DOC2B: variants seen among roughly 807,000 people sequenced by gnomAD.
DOC2B encodes double C2 domain beta.
A neutral mutation model predicts 28.9 loss-of-function variants in DOC2B; 21 were observed. That is an observed-to-expected ratio of 0.73 (90% CI 0.52 to 1.05). DOC2B has a LOEUF of 1.05. Among genes scored for constraint, DOC2B ranks in the 50% least tolerant of loss-of-function variants. DOC2B has a pLI of 0.00. For missense variants in DOC2B, 384 were observed against 421.1 expected (o/e 0.91, Z 0.77); for synonymous variants, 194 against 178.1 (o/e 1.09, Z -0.71).
At chr17:178,535 G>A (rs144351589) in intron 1 of DOC2B, among the ~76,000 whole-genome samples, 3,911 of 152,300 alleles carry the variant, frequency 0.026, 164 homozygotes, top group African/African-American at 0.09. Flanking sequence ...AGGGCAGCAC[G>A]CCACAGAGGC....
intron 6 of DOC2B, 195 bp downstream of exon 6, chr17:156,025 C>T (rs1401951324): frequency 1.7e-6 from 1 of 602,248 alleles, no homozygotes; most frequent in Non-Finnish European, 2.8e-6. Context: ...CTCTGTCCCT[C>T]AGTTTCCCCA....
chr17:161,004 C>A (rs960132527), intron 5 of DOC2B, among the ~76,000 whole-genome samples: 1 of 152,112 alleles, frequency 6.6e-6, no homozygotes, highest in Non-Finnish European at 1.5e-5. Flanking sequence ...AACCTCGGAT[C>A]TGCCCTTCCC....
At chr17:150,550 G>C (rs1199563300) in intron 6 of DOC2B, among the ~76,000 whole-genome samples, 3 of 152,180 alleles carry the variant, frequency 2.0e-5, no homozygotes, top group Non-Finnish European at 2.9e-5. Context: ...AAAACTCCTT[G>C]CTGGTTTGAG....
rs1262196049 is a variant in DOC2B at position 143,924 on chromosome 17, G to C, written c.*3517C>G. ...AGTCCATGCATCGGGAGGTTCACTC[G>C]GTTTGCGAAGGAACAACGGGCTCGG... On this transcript the variant is annotated 3_prime_UTR_variant, in exon 9 of 9. Transcript: ENST00000613549. 2 of 152,234 alleles carry C rather than the reference G, an allele frequency of 1.3e-5. No individual in the cohort carries two copies. The highest frequency in any genetic ancestry group is 4.8e-5 in the African/African-American group (2 of 41,406). 9.4% of individuals were successfully genotyped at this position (152,234 alleles called of 1,614,324 possible).
At chr17:150,518 C>A (rs1437826603) in intron 6 of DOC2B, among the ~76,000 whole-genome samples, 1 of 152,076 alleles carries the variant, frequency 6.6e-6, no homozygotes, top group Non-Finnish European at 1.5e-5. Flanking sequence ...GTGCCTGCGA[C>A]AAAGCTGAAT....
intron 1 of DOC2B, among the ~76,000 whole-genome samples, chr17:179,703 G>A (rs1158800161): frequency 1.3e-5 from 2 of 152,204 alleles, no homozygotes; most frequent in South Asian, 4.1e-4. Flanking sequence ...CAGCCCTGAG[G>A]GCAAAAAACT....
rs1275889286 is a variant in DOC2B at position 162,164 on chromosome 17, G to A, written c.555C>T (p.Leu185=). ...TCCATGTGGGGTTCAGAGTGTTACG[G>A]AGAGTTTTTGTTCTGAGCTTATTTG... ...SKANKLRTKT[L]RNTLNPTWNE... Residue 185 remains leucine, a synonymous_variant, in exon 4 of 9, where the codon CTC becomes CTT. Transcript: ENST00000613549. The A allele has an allele frequency of 5.8e-6, 9 of 1,551,800 alleles. No homozygotes were observed. The highest frequency in any genetic ancestry group is 7.0e-6 in the Non-Finnish European group (8 of 1,147,006).
intron 1 of DOC2B, among the ~76,000 whole-genome samples, chr17:175,395 T>C (rs966923336): frequency 6.6e-6 from 1 of 151,534 alleles, no homozygotes; most frequent in Non-Finnish European, 1.5e-5. Context: ...GGGAGGTGTA[T>C]CCCACTGCTC....
chr17:181,431 G>T lies in DOC2B; in HGVS notation c.49C>A (p.His17Asn). 2 of 1,171,448 alleles carry T rather than the reference G, an allele frequency of 1.7e-6. No individual in the cohort carries two copies. 72.6% of individuals were successfully genotyped at this position (1,171,448 alleles called of 1,614,324 possible). The change falls in exon 1 of 9, where the codon CAT (histidine) becomes AAT (asparagine). Residue 17 changes from histidine (H) to asparagine (N), a missense_variant. By Grantham distance (68) the His-to-Asn change is moderately conservative (BLOSUM62 1). Coordinates refer to ENST00000613549, the MANE Select transcript of DOC2B (RefSeq NM_003585.5). The surrounding 1 kb of genome is among the most constrained non-coding windows in gnomAD (Gnocchi z 7.0). ...CCGGGGCACACGTCGATGGCCATAT[G>T]CTCCTGGATGCTGATGGTCGCCTTC... Reference protein sequence around the residue: ...GEKATISIQEHMAIDVCPGPI... With the variant: ...GEKATISIQENMAIDVCPGPI...
chr17:172,745 C>A, intron 1 of DOC2B, 129 bp from the exon 2 acceptor site: 2 of 671,494 alleles, frequency 3.0e-6, no homozygotes, highest in Middle Eastern at 4.3e-4. Context: ...ACCAACCAAG[C>A]ACCTGCTCTA....
At chr17:177,166 G>A (rs543480545) in intron 1 of DOC2B, among the ~76,000 whole-genome samples, 26 of 151,888 alleles carry the variant, frequency 1.7e-4, no homozygotes, top group Non-Finnish European at 3.1e-4. Context: ...CAGCCATTCA[G>A]CCAGGCCGGC....
chr17:176,189 C>A (rs1034625526), intron 1 of DOC2B, among the ~76,000 whole-genome samples: 1 of 150,966 alleles, frequency 6.6e-6, no homozygotes, highest in African/African-American at 2.4e-5. Flanking sequence ...AGCCTACTGG[C>A]TCCCAAGAAG....
At position 144,805 on chromosome 17, in the gene DOC2B, GC is replaced by G. The variant is rs1187604464; in HGVS notation, c.*2635del. The G allele has an allele frequency of 6.6e-6, 1 of 152,212 alleles. No individual in the cohort carries two copies. The highest frequency in any genetic ancestry group is 2.4e-5 in the African/African-American group (1 of 41,420). The allele number at this position is 152,212 out of a possible 1,614,324, so 9.4% of individuals were successfully genotyped here. ...AGTTCTGGGTTCTTGTCCCAGCTGTGCCCCTTCAGGCCCCTTTCACCCACTG... is the reference window on the plus strand; with the variant it reads ...AGTTCTGGGTTCTTGTCCCAGCTGTGCCCTTCAGGCCCCTTTCACCCACTG... On this transcript the variant is annotated 3_prime_UTR_variant, in exon 9 of 9. Transcript: ENST00000613549.
In DOC2B at chr17:147,405, G is replaced by T. The variant is rs1402895367; in HGVS notation, c.*36C>A. 5 of 398,838 alleles carry T rather than the reference G, an allele frequency of 1.3e-5. No homozygotes were observed. The highest frequency in any genetic ancestry group is 1.0e-4 in the African/African-American group (5 of 48,746). 24.7% of individuals were successfully genotyped at this position (398,838 alleles called of 1,614,324 possible). ...AAGCCCGGGGCCGGCCGTGCTGGGC[G>T]CAGGTGGCGGCAGGGGTAGCAGTGG... is the stretch of plus-strand genomic sequence containing the variant. On this transcript the variant is annotated 3_prime_UTR_variant, in exon 9 of 9. Coordinates refer to ENST00000613549, the MANE Select transcript of DOC2B (RefSeq NM_003585.5).
chr17:173,573 G>A (rs1409518758), intron 1 of DOC2B, among the ~76,000 whole-genome samples: 2 of 152,344 alleles, frequency 1.3e-5, no homozygotes, highest in African/African-American at 4.8e-5. Flanking sequence ...CCCAAGGAAA[G>A]CACAGCTTAA....
intron 5 of DOC2B, 45 bp from the exon 6 acceptor site, chr17:156,422 T>G: frequency 6.5e-7 from 1 of 1,539,578 alleles, no homozygotes; most frequent in Non-Finnish European, 8.8e-7. Flanking sequence ...CTCCCACCCC[T>G]CTCTTGGCCG....
Position 179,055 on chromosome 17 carries a change from C to T in DOC2B, c.373+2052G>A, listed in dbSNP as rs145451541. ...GGATCCAAGCCTAGGGTGGGGCCCC[C>T]CTCGAAGGGGGCGACAGGGGCCCAA... On this transcript the variant is annotated intron_variant, in intron 1 of 8. Transcript: ENST00000613549. Among the ~76,000 whole-genome samples the T allele has an allele frequency of 2.8e-3, 433 of 152,336 alleles. 2 individuals are homozygous for T. Among genetic ancestry groups the T allele is most frequent in the African/African-American group, 9.7e-3 (403 of 41,582 alleles).
At chr17:177,756 G>A (rs1312945358) in intron 1 of DOC2B, among the ~76,000 whole-genome samples, 1 of 152,254 alleles carries the variant, frequency 6.6e-6, no homozygotes, top group East Asian at 1.9e-4. Context: ...AAATATCACA[G>A]GTCCAGGTAG....
chr17:175,759 C>T (rs62055006), intron 1 of DOC2B, among the ~76,000 whole-genome samples: 6,187 of 152,310 alleles, frequency 0.041, 163 homozygotes, highest in Non-Finnish European at 0.062. Context: ...GAAGACAGAG[C>T]GGCTGCCTGC....
Sources: allele counts gnomAD v4.1 joint callset (sites outside exome capture counted in the v4.1 genomes callset), GRCh38; gene constraint gnomAD v4.1.1; non-coding constraint Gnocchi (gnomAD v3.1); transcripts MANE v1.5; gene names NCBI Gene and HGNC (gene_info 2026-07-23, HGNC 2026-07-21).